Variants in GRIN2A observed in about 807,000 individuals in gnomAD.
GRIN2A encodes glutamate receptor ionotropic, NMDA 2A.
A neutral mutation model predicts 113.4 loss-of-function variants in GRIN2A; 22 were observed. The ratio of observed to expected loss-of-function variants is 0.19; its 90% CI spans 0.14 to 0.28. The LOEUF (loss-of-function observed/expected upper bound fraction) is 0.28. Ranked by LOEUF, GRIN2A falls within the 10% of genes least tolerant of loss-of-function variation. GRIN2A has a pLI of 1.00. For synonymous variants in GRIN2A, 827 were observed against 738.4 expected, an observed-to-expected ratio of 1.12 and a Z score of -1.94; for missense variants, 1,502 against 1,887.0, an observed-to-expected ratio of 0.80 and a Z score of 3.78.
intron 10 of GRIN2A, among the ~76,000 whole-genome samples, chr16:9,812,901 A>C (rs1032306438): frequency 1.3e-5 from 2 of 152,224 alleles, no homozygotes; most frequent in East Asian, 3.8e-4. Flanking sequence ...TTGTGAAAGA[A>C]GAATCATGCA....
chr16:9,757,373 TA>T lies in GRIN2A; in HGVS notation c.*5775del, dbSNP rs202247656. On this transcript the variant is annotated 3_prime_UTR_variant, in exon 13 of 13. Transcript: ENST00000330684. The stretch of plus-strand genomic sequence containing the variant: ...TAGGGAAGGACTTTTTTTTTTTTTT[TA>T]AAAAAGGTATGCTCATAGAATCAGA... The T allele has an allele frequency of 4.8e-4, 105 of 217,154 alleles. No homozygotes were observed. Among genetic ancestry groups the T allele is most frequent in the East Asian group, 3.4e-3 (49 of 14,462 alleles). The allele number at this position is 217,154 out of a possible 1,614,324, so 13.5% of individuals were successfully genotyped here. A position where few individuals can be genotyped will look rare whatever the true frequency, so the allele number is the denominator to read the frequency against.
intron 2 of GRIN2A, among the ~76,000 whole-genome samples, chr16:10,156,233 T>A (rs1045140827): frequency 6.6e-6 from 1 of 152,216 alleles, no homozygotes; most frequent in Admixed American, 6.5e-5. Context: ...CACCCAAATC[T>A]TCTGATGCAA....
chr16:9,796,124 T>C (rs1171620115), intron 11 of GRIN2A, among the ~76,000 whole-genome samples: 1 of 152,208 alleles, frequency 6.6e-6, no homozygotes, highest in Non-Finnish European at 1.5e-5. Flanking sequence ...AGTCCCTAAA[T>C]ATGTTAGCTG....
chr16:9,994,289 A>G (rs910780045), intron 2 of GRIN2A, among the ~76,000 whole-genome samples: 4 of 152,140 alleles, frequency 2.6e-5, no homozygotes, highest in Non-Finnish European at 4.4e-5. Context: ...CAGCTATTTC[A>G]AGGGGTGACC....
intron 2 of GRIN2A, among the ~76,000 whole-genome samples, chr16:10,016,041 A>C (rs537999494): frequency 1.8e-4 from 27 of 147,388 alleles, no homozygotes; most frequent in African/African-American, 6.3e-4. Flanking sequence ...GCTTGAACCC[A>C]GGAGGTGGAG....
intron 2 of GRIN2A, among the ~76,000 whole-genome samples, chr16:10,128,045 A>G (rs1472049560): frequency 6.6e-6 from 1 of 152,166 alleles, no homozygotes; most frequent in Non-Finnish European, 1.5e-5. Flanking sequence ...CAGACCCCAA[A>G]AAAGACTCTG....
At chr16:9,800,623 G>C (rs1903301051) in intron 10 of GRIN2A, among the ~76,000 whole-genome samples, 1 of 152,076 alleles carries the variant, frequency 6.6e-6, no homozygotes, top group Non-Finnish European at 1.5e-5. Flanking sequence ...ATGGTTTGAG[G>C]TGGCGCAAAA....
At chr16:9,953,333 C>T (rs766186596) in intron 2 of GRIN2A, among the ~76,000 whole-genome samples, 3 of 152,170 alleles carry the variant, frequency 2.0e-5, no homozygotes, top group Non-Finnish European at 4.4e-5. Context: ...TTCTTCCTCA[C>T]AATTGTAGCT....
intron 2 of GRIN2A, among the ~76,000 whole-genome samples, chr16:10,039,845 T>G: frequency 9.6e-6 from 1 of 104,510 alleles, no homozygotes; most frequent in Non-Finnish European, 1.9e-5. Context: ...GGAGTCCTGG[T>G]CCACACCGCT....
intron 2 of GRIN2A, among the ~76,000 whole-genome samples, chr16:9,969,316 C>A (rs1304910862): frequency 1.3e-5 from 2 of 152,100 alleles, no homozygotes; most frequent in Non-Finnish European, 2.9e-5. Context: ...TCTCCTTGTC[C>A]TTCTCTTATA....
chr16:10,110,263 C>A (rs1358493290), intron 2 of GRIN2A, among the ~76,000 whole-genome samples: 1 of 152,128 alleles, frequency 6.6e-6, no homozygotes, highest in African/African-American at 2.4e-5. Context: ...GAATGGAAAC[C>A]ATTTGGAATA....
At chr16:9,996,976 A>G (rs1471206993) in intron 2 of GRIN2A, among the ~76,000 whole-genome samples, 3 of 152,210 alleles carry the variant, frequency 2.0e-5, no homozygotes, top group Non-Finnish European at 4.4e-5. Flanking sequence ...AAAAACGCCA[A>G]CCTTTACACA....
chr16:9,853,914 T>C (rs1407336822), intron 4 of GRIN2A, among the ~76,000 whole-genome samples: 1 of 152,182 alleles, frequency 6.6e-6, no homozygotes, highest in Non-Finnish European at 1.5e-5. Flanking sequence ...AATCCTTAAT[T>C]TGATTTAAAT....
intron 11 of GRIN2A, among the ~76,000 whole-genome samples, chr16:9,784,423 TCTAA>T (rs1348118408): frequency 7.9e-6 from 1 of 126,608 alleles, no homozygotes; most frequent in Non-Finnish European, 1.6e-5. Flanking sequence ...AGAGCAAAAC[TCTAA>T]CAACAACAAC....
rs1336484766 is a variant in GRIN2A, at chr16:9,757,961, G to C, written c.*5188C>G. ...CAGAGCTACTCAGGAGTTTCCCCTT[G>C]AAAGAAACCTAGAAATAAGTCAGCC... On this transcript the variant is annotated 3_prime_UTR_variant, in exon 13 of 13. Coordinates refer to ENST00000330684, the MANE Select transcript of GRIN2A (RefSeq NM_001134407.3). 9.0e-6 allele frequency: 2 copies of C among 221,866 alleles called. No individual in the cohort carries two copies. The highest frequency in any genetic ancestry group is 1.8e-4 in the South Asian group (1 of 5,432). 13.7% of individuals were successfully genotyped at this position (221,866 alleles called of 1,614,324 possible).
intron 2 of GRIN2A, among the ~76,000 whole-genome samples, chr16:10,096,264 C>A (rs2048286972): frequency 6.6e-6 from 1 of 152,148 alleles, no homozygotes; most frequent in East Asian, 1.9e-4. Context: ...GACATTCTGA[C>A]ATTCTCTGGA....
chr16:10,133,151 C>G (rs994985212), intron 2 of GRIN2A, among the ~76,000 whole-genome samples: 1 of 152,216 alleles, frequency 6.6e-6, no homozygotes, highest in Non-Finnish European at 1.5e-5. Flanking sequence ...TTCAAAATCC[C>G]TTTTGCCATA....
intron 3 of GRIN2A, among the ~76,000 whole-genome samples, chr16:9,902,959 T>TTGGGGGG (rs1491446907): frequency 1.2e-4 from 3 of 24,832 alleles, no homozygotes; most frequent in Non-Finnish European, 1.3e-4. Context: ...TTTTTTTTTT[T>TTGGGGGG]GGCGGGGGGG....
chr16:9,767,229 C>T (rs1272159031), intron 12 of GRIN2A, among the ~76,000 whole-genome samples: 2 of 152,104 alleles, frequency 1.3e-5, no homozygotes, highest in African/African-American at 2.4e-5. Flanking sequence ...GCACAGAACC[C>T]GAGTTTGGAG....
Sources: allele counts gnomAD v4.1 joint callset (sites outside exome capture counted in the v4.1 genomes callset), GRCh38; gene constraint gnomAD v4.1.1; transcripts MANE v1.5; gene names NCBI Gene and HGNC (gene_info 2026-07-23, HGNC 2026-07-21).